Variants in SMO observed in about 807,000 individuals in gnomAD.
SMO encodes the protein protein smoothened.
SMO carries 40 observed loss-of-function variants against 81.6 expected under a neutral mutation model. The observed-to-expected ratio is 0.49, with a 90% CI of 0.38 to 0.64. The LOEUF is 0.64. Among genes scored for constraint, SMO ranks in the 30% least tolerant of loss-of-function variants. The probability of loss-of-function intolerance (pLI) is 0.00; values close to 1 mark genes in which losing one functional copy is unlikely to be tolerated. For missense variants in SMO, 916 were observed against 1,061.1 expected, an observed-to-expected ratio of 0.86 and a Z score of 1.90; for synonymous variants, 434 against 432.1, an observed-to-expected ratio of 1.00 and a Z score of -0.05.
chr7:129,202,397 A>C (rs1793686106), intron 1 of SMO, among the ~76,000 whole-genome samples: 1 of 151,404 alleles, frequency 6.6e-6, no homozygotes, highest in African/African-American at 2.4e-5. Context: ...TGTCTCTACC[A>C]CCCCCAGCCT....
chr7:129,205,433 C>T, intron 3 of SMO, 21 bp downstream of exon 3: 1 of 1,598,850 alleles, frequency 6.3e-7, no homozygotes, highest in Non-Finnish European at 8.5e-7. Flanking sequence ...GGAGGGCAGG[C>T]CCGGGGGGCC....
intron 1 of SMO, among the ~76,000 whole-genome samples, chr7:129,202,625 C>T (rs911221933): frequency 1.1e-4 from 17 of 152,110 alleles, no homozygotes; most frequent in Non-Finnish European, 2.2e-4. Flanking sequence ...CTGGACAGAG[C>T]CTCTTCTGTT....
Position 129,206,707 on chromosome 7 carries a change from G to A in SMO, c.1264+120G>A. 3 of 980,794 alleles carry A rather than the reference G, an allele frequency of 3.1e-6. No individual in the cohort carries two copies. Among genetic ancestry groups the A allele is most frequent in the Non-Finnish European group, 4.4e-6 (3 of 686,478 alleles). The allele number at this position is 980,794 out of a possible 1,614,324, so 60.8% of individuals were successfully genotyped here. The stretch of plus-strand genomic sequence containing the variant: ...TGAAACCCCAGCTAGCTCCTATAGG[G>A]CCTTCACACAGTAGAAGGTGACCCT... On this transcript the variant is annotated intron_variant, in intron 6 of 11. Coordinates refer to ENST00000249373, the MANE Select transcript of SMO (RefSeq NM_005631.5). This position sits in a 1 kb window ranked among gnomAD's most constrained non-coding sequence, Gnocchi z 4.4.
chr7:129,196,347 G>GTGTGTA (rs1393964775), intron 1 of SMO, among the ~76,000 whole-genome samples: 1 of 151,280 alleles, frequency 6.6e-6, no homozygotes, highest in African/African-American at 2.4e-5. Context: ...GTGTGTGTGT[G>GTGTGTA]TGTGTGTGTT....
rs1442264163 is a variant in SMO, at chr7:129,212,029, C to G, written c.1942C>G (p.Pro648Ala). 1 of 1,585,422 alleles carries G rather than the reference C, an allele frequency of 6.3e-7. No individual in the cohort carries two copies. Among genetic ancestry groups the G allele is most frequent in the South Asian group, 1.1e-5 (1 of 88,406 alleles). Reference sequence around the variant, plus strand: ...GTTGTCTCTCCTCCTGTCAGTGCCCCCAGAGGAACAAGCCAACCTGTGGCT... The same window carrying G: ...GTTGTCTCTCCTCCTGTCAGTGCCCGCAGAGGAACAAGCCAACCTGTGGCT... ...SVTPVATPVP[P>A]EEQANLWLVE... The change falls in exon 12 of 12, where the codon CCA becomes GCA. Residue 648 changes from proline to alanine, a missense_variant. By Grantham distance (27) the Pro-to-Ala change is conservative. Transcript: ENST00000249373. The surrounding 1 kb of genome is among the most constrained non-coding windows in gnomAD (Gnocchi z 5.0).
rs1793808337 is a variant in SMO at position 129,208,369 on chromosome 7, TGAACCTGGGAGGCGGA to T, written c.1265-388_1265-373del. Among the ~76,000 whole-genome samples, 3 of 152,094 alleles carry T rather than the reference TGAACCTGGGAGGCGGA, an allele frequency of 2.0e-5. No homozygotes were observed. Among genetic ancestry groups the T allele is most frequent in the Admixed American group, 1.3e-4 (2 of 15,268 alleles). On this transcript the variant is annotated intron_variant, in intron 6 of 11. Transcript: ENST00000249373. The surrounding 1 kb of genome is among the most constrained non-coding windows in gnomAD (Gnocchi z 5.2). ...GGGAGGCTGAGGCAGGAGAATTGCT[TGAACCTGGGAGGCGGA>T]GTTTACAATGAGCCGAGATCACGCC...
rs1354414565 is a variant in SMO at position 129,212,038 on chromosome 7, C to A, written c.1951C>A (p.Gln651Lys). 6.3e-7 allele frequency: 1 copy of A among 1,587,482 alleles called. No homozygotes were observed. Among genetic ancestry groups the A allele is most frequent in the Non-Finnish European group, 8.5e-7 (1 of 1,173,450 alleles). ...CCTCCTGTCAGTGCCCCCAGAGGAA[C>A]AAGCCAACCTGTGGCTGGTTGAGGC... ...PVATPVPPEE[Q>K]ANLWLVEAEI... Residue 651 changes from glutamine (Q) to lysine (K), a missense_variant, in exon 12 of 12, where the codon CAA becomes AAA. By Grantham distance (53) the Gln-to-Lys change is moderately conservative. Transcript: ENST00000249373. This position sits in a 1 kb window ranked among gnomAD's most constrained non-coding sequence, Gnocchi z 5.0.
intron 1 of SMO, among the ~76,000 whole-genome samples, chr7:129,195,826 G>A (rs182010008): frequency 1.5e-4 from 23 of 152,226 alleles, no homozygotes; most frequent in African/African-American, 5.1e-4. Flanking sequence ...TGTGGGCCAG[G>A]CGTGGTGGCT....
Position 129,211,823 on chromosome 7 carries a change from G to T in SMO, c.1936+53G>T, listed in dbSNP as rs571078669. 3 of 1,608,356 alleles carry T rather than the reference G, an allele frequency of 1.9e-6. No homozygotes were observed. The highest frequency in any genetic ancestry group is 3.3e-5 in the Admixed American group (2 of 59,994). On this transcript the variant is annotated intron_variant, in intron 11 of 11. Coordinates refer to ENST00000249373, the MANE Select transcript of SMO (RefSeq NM_005631.5). This position sits in a 1 kb window ranked among gnomAD's most constrained non-coding sequence, Gnocchi z 4.6. ...GGTGGGGGGAGCACAGAGGCTGGGG[G>T]CTTCTGGGACTGGAGTACAGGGGCT...
Position 129,209,280 on chromosome 7 carries a change from C to T in SMO, c.1358-9C>T, listed in dbSNP as rs1051012027. 2 of 1,567,750 alleles carry T rather than the reference C, an allele frequency of 1.3e-6. No homozygotes were observed. Among genetic ancestry groups the T allele is most frequent in the Admixed American group, 3.3e-5 (2 of 59,960 alleles). ...TGGTAACGTCCTGTCCTGCCCCTGT[C>T]CTCCACAGGCATTTTTGGCTTCCTG... On this transcript the variant is annotated splice_polypyrimidine_tract_variant and intron_variant, in intron 7 of 11. Coordinates refer to ENST00000249373, the MANE Select transcript of SMO (RefSeq NM_005631.5).
rs570242755 is a variant in SMO at position 129,189,198 on chromosome 7, G to GGCT, written c.67_69dup (p.Leu23dup). 25,835 of 1,146,950 alleles carry GGCT rather than the reference G, an allele frequency of 0.023. 303 individuals are homozygous for GGCT. Among genetic ancestry groups the GGCT allele is most frequent in the Non-Finnish European group, 0.025 (22,698 of 913,682 alleles). The allele number at this position is 1,146,950 out of a possible 1,614,324, so 71.0% of individuals were successfully genotyped here. ...CGGGGGCCGGAGCTCCCGCTCCTGG[G>GGCT]GCTGCTGCTGCTGCTGCTGCTGGGG... On this transcript the variant is annotated inframe_insertion, in exon 1 of 12. Transcript: ENST00000249373. The surrounding 1 kb of genome is among the most constrained non-coding windows in gnomAD (Gnocchi z 4.7).
chr7:129,195,109 A>G (rs905427973), intron 1 of SMO, among the ~76,000 whole-genome samples: 4 of 152,178 alleles, frequency 2.6e-5, no homozygotes, highest in African/African-American at 9.7e-5. Context: ...TACCCATTTT[A>G]TTGTCATCTC....
chr7:129,203,488 C>T lies in SMO; in HGVS notation c.436C>T (p.Leu146Phe), dbSNP rs1387085760. 1 of 1,601,248 alleles carries T rather than the reference C, an allele frequency of 6.2e-7. No homozygotes were observed. The change falls in exon 2 of 12, where the codon CTC becomes TTC. Residue 146 changes from leucine to phenylalanine, a missense_variant. Leu to Phe is a conservative substitution (Grantham distance 22). Coordinates refer to ENST00000249373, the MANE Select transcript of SMO (RefSeq NM_005631.5). ...CCGGGTGGAGCTGCCCAGCCGTACC[C>T]TCTGCCAGGCCACCCGAGGCCCCTG... Reference protein sequence around the residue: ...NDRVELPSRTLCQATRGPCAI... With the variant: ...NDRVELPSRTFCQATRGPCAI...
In SMO at chr7:129,211,142, C is replaced by T. The variant is rs200101909; in HGVS notation, c.1801+29C>T. The T allele has an allele frequency of 1.6e-5, 25 of 1,581,396 alleles. No homozygotes were observed. The highest frequency in any genetic ancestry group is 1.7e-4 in the Middle Eastern group (1 of 5,880). On this transcript the variant is annotated intron_variant, in intron 10 of 11. Transcript: ENST00000249373. The surrounding 1 kb of genome is among the most constrained non-coding windows in gnomAD (Gnocchi z 4.6). ...AGCCTCACCCCTCCTCTACCGGAGC[C>T]GCCTGGCCCCGCGCTGCCCATGTGC...
chr7:129,208,978 G>C lies in SMO; in HGVS notation c.1357+127G>C, dbSNP rs1010558536. ...AGTTAGCCATAGGGACAAGGACAAG[G>C]GGTGTGTGTAGGTGGTAGTGGTAGT... On this transcript the variant is annotated intron_variant, in intron 7 of 11. Transcript: ENST00000249373. This position sits in a 1 kb window ranked among gnomAD's most constrained non-coding sequence, Gnocchi z 5.2. The C allele has an allele frequency of 8.6e-6, 6 of 695,472 alleles. No homozygotes were observed. Among genetic ancestry groups the C allele is most frequent in the Non-Finnish European group, 1.5e-5 (6 of 390,180 alleles). The allele number at this position is 695,472 out of a possible 1,614,324, so 43.1% of individuals were successfully genotyped here. A position where few individuals can be genotyped will look rare whatever the true frequency, so the allele number is the denominator to read the frequency against.
chr7:129,205,609 G>A lies in SMO; in HGVS notation c.748-1G>A, dbSNP rs1793750870. 6.2e-7 allele frequency: 1 copy of A among 1,613,052 alleles called. No homozygotes were observed. Among genetic ancestry groups the A allele is most frequent in the Non-Finnish European group, 8.5e-7 (1 of 1,179,074 alleles). ...CAGAATGGCCCACTTCTCTCTTCTA[G>A]GCCACATTCGTGGCTGACTGGCGGA... On this transcript the variant is annotated splice_acceptor_variant, in intron 3 of 11. Coordinates refer to ENST00000249373, the MANE Select transcript of SMO (RefSeq NM_005631.5). LOFTEE classifies it high-confidence loss of function.
At chr7:129,193,062 C>T (rs1456974711) in intron 1 of SMO, among the ~76,000 whole-genome samples, 1 of 152,188 alleles carries the variant, frequency 6.6e-6, no homozygotes, top group Non-Finnish European at 1.5e-5. Flanking sequence ...CTCCCCTTTA[C>T]AGCTGGAAAT....
rs955440890 is a variant in SMO, at chr7:129,208,468, C to T, written c.1265-291C>T. ...CTCAAAAAAAAAATTATATGGATAG[C>T]GCTGTTCTTGAGTCTGTTTTATGTC... On this transcript the variant is annotated intron_variant, in intron 6 of 11. Coordinates refer to ENST00000249373, the MANE Select transcript of SMO (RefSeq NM_005631.5). The surrounding 1 kb of genome is among the most constrained non-coding windows in gnomAD (Gnocchi z 5.2). 4.6e-5 allele frequency among the ~76,000 whole-genome samples: 7 copies of T among 151,560 alleles called. No homozygotes were observed. The highest frequency in any genetic ancestry group is 9.7e-5 in the African/African-American group (4 of 41,324).
At chr7:129,196,671 T>C (rs1284097470) in intron 1 of SMO, among the ~76,000 whole-genome samples, 1 of 152,192 alleles carries the variant, frequency 6.6e-6, no homozygotes, top group Non-Finnish European at 1.5e-5. Flanking sequence ...TTTTTGATGC[T>C]GTTGTAAATG....
Sources: gnomAD v4.1 joint callset for allele counts (sites outside exome capture counted in the v4.1 genomes callset) on GRCh38, gnomAD v4.1.1 for gene constraint, Gnocchi (gnomAD v3.1) non-coding constraint, MANE v1.5 for transcripts, NCBI Gene and HGNC (gene_info 2026-07-23, HGNC 2026-07-21) for gene names.